The following EML2 variants were observed in gnomAD, a reference collection of about 807,000 sequenced individuals.
EML2 encodes the protein echinoderm microtubule-associated protein-like 2.
In EML2, 59 loss-of-function variants were observed where a neutral mutation model predicts 84.7. The observed-to-expected ratio is 0.70, with a 90% CI of 0.56 to 0.86. EML2 has a LOEUF of 0.86. EML2 is among the 40% of genes least tolerant of loss of function. The probability of loss-of-function intolerance (pLI) is 0.00; values close to 1 mark genes in which losing one functional copy is unlikely to be tolerated. For synonymous variants in EML2, 352 were observed against 348.9 expected, an observed-to-expected ratio of 1.01 and a Z score of -0.10; for missense variants, 818 against 855.6, an observed-to-expected ratio of 0.96 and a Z score of 0.55.
intron 17 of EML2, among the ~76,000 whole-genome samples, chr19:45,614,046 T>C (rs1341624515): frequency 2.0e-5 from 3 of 152,202 alleles, no homozygotes; most frequent in Admixed American, 1.3e-4. Flanking sequence ...CTATTCCCTT[T>C]GCCAAGAGAC....
At chr19:45,615,063 G>A (rs1166937364) in intron 16 of EML2, 2 of 212,820 alleles carry the variant, frequency 9.4e-6, no homozygotes, top group Non-Finnish European at 1.9e-5. Context: ...TAGACCAGGT[G>A]TGGTGGCTCA....
rs1973434414 is a variant in EML2, at chr19:45,634,251, A to T, written c.329+71T>A. On this transcript the variant is annotated intron_variant, in intron 4 of 18. Coordinates refer to ENST00000245925, the MANE Select transcript of EML2 (RefSeq NM_012155.4). ...ACAGGGTAGCAATGTGAAAAGAGGC[A>T]TAGAGGGGCAGGGGCTGGAGCTCCA... is the stretch of plus-strand genomic sequence containing the variant. 3 of 1,600,434 alleles carry T rather than the reference A, an allele frequency of 1.9e-6. No individual in the cohort carries two copies. In the African/African-American group the frequency reaches 4.0e-5, roughly 21 times the overall value.
chr19:45,626,887 G>T (rs1216421034), intron 7 of EML2, 48 bp from the exon 8 acceptor site: 2 of 1,552,744 alleles, frequency 1.3e-6, no homozygotes, highest in Admixed American at 1.9e-5. Context: ...AAGTCCCCAA[G>T]GCTACTATAC....
chr19:45,624,600 G>C, intron 9 of EML2, 119 bp downstream of exon 9: 2 of 706,404 alleles, frequency 2.8e-6, no homozygotes, highest in Non-Finnish European at 4.9e-6. Flanking sequence ...TGACGAGGGT[G>C]TTGGAATCGG....
intron 6 of EML2, among the ~76,000 whole-genome samples, chr19:45,632,237 G>A (rs1239523668): frequency 1.4e-5 from 2 of 147,160 alleles, no homozygotes; most frequent in African/African-American, 2.5e-5. Context: ...GCCCAGGCTG[G>A]AGTGCTGTGG....
intron 11 of EML2, chr19:45,619,490 G>A (rs2304179): frequency 0.13 from 27,075 of 208,582 alleles, 1,924 homozygotes; most frequent in East Asian, 0.23. Flanking sequence ...CAGACAGGCT[G>A]CACCCTGGCC....
At chr19:45,619,337 AG>A (rs2122648509) in intron 11 of EML2, 146 bp from the exon 12 acceptor site, 2 of 1,076,028 alleles carry the variant, frequency 1.9e-6, no homozygotes, top group East Asian at 2.8e-5. Context: ...GTATGTCTGA[AG>A]GGGGCCTCAA....
intron 6 of EML2, among the ~76,000 whole-genome samples, chr19:45,631,859 A>G (rs1973073102): frequency 6.9e-6 from 1 of 145,028 alleles, no homozygotes; most frequent in Non-Finnish European, 1.5e-5. Flanking sequence ...GCCCAGGCCC[A>G]CACTAGTACA....
chr19:45,616,620 C>A, intron 14 of EML2, 62 bp from the exon 15 acceptor site: 2 of 1,448,742 alleles, frequency 1.4e-6, no homozygotes, highest in Admixed American at 1.7e-5. Flanking sequence ...CTCGCCCAGA[C>A]TCAGCCCCCT....
In EML2 at chr19:45,613,559, G is replaced by A; in HGVS notation, c.1806C>T (p.Tyr602=). 4 of 1,614,066 alleles carry A rather than the reference G, an allele frequency of 2.5e-6. No individual in the cohort carries two copies. The highest frequency in any genetic ancestry group is 2.2e-5 in the East Asian group (1 of 44,878). The change falls in exon 18 of 19, where the codon TAC becomes TAT. Residue 602 remains tyrosine (Y), a synonymous_variant. Coordinates refer to ENST00000245925, the MANE Select transcript of EML2 (RefSeq NM_012155.4). ...DDFGKVHLFS[Y]PCCQPRALSH... ...GACTCACTCGAGGCTGACAGCAGGG[G>A]TAGCTAAACAGGTGAACTTTGCCAA...
In EML2 at chr19:45,616,679, C is replaced by CCCCCTTG. The variant is rs1971117765; in HGVS notation, c.1411+85_1411+86insCAAGGGG. On this transcript the variant is annotated intron_variant, in intron 14 of 18. Transcript: ENST00000245925. ...ACTGCATCCCTCCTAGGCCTCGCTT[C>CCCCCTTG]GCAGGCTCCACCCCTCCCCCTGCCA... is the stretch of plus-strand genomic sequence containing the variant. The CCCCCTTG allele has an allele frequency of 4.2e-6, 6 of 1,432,056 alleles. No homozygotes were observed. In the Admixed American group the frequency reaches 9.2e-5, roughly 22 times the overall value. The allele number at this position is 1,432,056 out of a possible 1,614,324, so 88.7% of individuals were successfully genotyped here.
rs1402459259 is a variant in EML2, at chr19:45,619,075, C to G, written c.1239G>C (p.Trp413Cys). ...LWSSDSHQPLWSRIIEDPARS... is the reference protein window; with the variant it reads ...LWSSDSHQPLCSRIIEDPARS... ...GGCCCCTTACCTCGATGATCCTGCT[C>G]CACAGGGGCTGGTGGGAATCTGAGC... Residue 413 changes from tryptophan to cysteine, a missense_variant, in exon 12 of 19, where the codon TGG becomes TGC. Trp to Cys is a radical substitution (Grantham distance 215). Coordinates refer to ENST00000245925, the MANE Select transcript of EML2 (RefSeq NM_012155.4). 6.2e-7 allele frequency: 1 copy of G among 1,612,810 alleles called. No homozygotes were observed.
chr19:45,624,398 T>G (rs901519977), intron 9 of EML2, among the ~76,000 whole-genome samples: 2 of 152,106 alleles, frequency 1.3e-5, no homozygotes, highest in Non-Finnish European at 2.9e-5. Context: ...AAAGCACTTG[T>G]CCATGTATCC....
chr19:45,629,449 C>A (rs773839881), intron 7 of EML2, among the ~76,000 whole-genome samples: 2 of 152,032 alleles, frequency 1.3e-5, no homozygotes, highest in African/African-American at 4.8e-5. Flanking sequence ...CTCAGCCTCC[C>A]GAGTAGCTGG....
upstream of EML2, chr19:45,642,597 G>A (rs1363187897): frequency 1.5e-4 from 182 of 1,222,072 alleles, no homozygotes; most frequent in Non-Finnish European, 1.7e-4. Flanking sequence ...GTGACCTTGG[G>A]GAAGTCCCTT....
At position 45,638,837 on chromosome 19, in the gene EML2, C is replaced by T; in HGVS notation, c.49+8G>A. On this transcript the variant is annotated splice_region_variant and intron_variant, in intron 2 of 18. Transcript: ENST00000245925. ...TTCCACCGAGCCCTTCCCCATCTCC[C>T]CACTCACCCACACTGAAGATAACTT... 6.2e-7 allele frequency: 1 copy of T among 1,613,854 alleles called. No individual in the cohort carries two copies. Among genetic ancestry groups the T allele is most frequent in the Non-Finnish European group, 8.5e-7 (1 of 1,179,998 alleles).
upstream of EML2, chr19:45,641,718 G>A (rs1974526814): frequency 6.5e-6 from 10 of 1,535,990 alleles, no homozygotes; most frequent in Non-Finnish European, 8.7e-6. Context: ...CCGAGGCGAG[G>A]CGCTCTGGTG....
At chr19:45,612,841 C>A (rs1028980732) in intron 18 of EML2, among the ~76,000 whole-genome samples, 1 of 152,068 alleles carries the variant, frequency 6.6e-6, no homozygotes, top group African/African-American at 2.4e-5. Context: ...AATGCTGAAA[C>A]AATCCCTCTT....
chr19:45,618,208 C>T (rs1971300340), intron 12 of EML2, among the ~76,000 whole-genome samples: 1 of 151,332 alleles, frequency 6.6e-6, no homozygotes, highest in African/African-American at 2.4e-5. Flanking sequence ...ACATTACAGG[C>T]GCCCACCACC....
Sources: gnomAD v4.1 joint callset for allele counts (sites outside exome capture counted in the v4.1 genomes callset) on GRCh38, gnomAD v4.1.1 for gene constraint, MANE v1.5 for transcripts, NCBI Gene and HGNC (gene_info 2026-07-23, HGNC 2026-07-21) for gene names.